Variants in UBE2R2 observed in about 807,000 individuals in gnomAD.
The protein encoded by UBE2R2 is ubiquitin conjugating enzyme E2 R2, also known as ubiquitin-conjugating enzyme E2 R2.
UBE2R2 carries 1 observed loss-of-function variant against 27.8 expected under a neutral mutation model. The ratio of observed to expected loss-of-function variants is 0.04; its 90% confidence interval spans 0.01 to 0.17. UBE2R2 has a LOEUF of 0.17. Among genes scored for constraint, UBE2R2 ranks in the 10% least tolerant of loss-of-function variants. The pLI, the probability that UBE2R2 is intolerant of heterozygous loss-of-function variation, is 1.00. For missense variants in UBE2R2, 100 were observed against 291.0 expected (o/e 0.34, Z 4.78); for synonymous variants, 106 against 113.3 (o/e 0.94, Z 0.41).
At chr9:33,911,432 A>C (rs1336452162) in intron 3 of UBE2R2, among the ~76,000 whole-genome samples, 1 of 140,602 alleles carries the variant, frequency 7.1e-6, no homozygotes, top group African/African-American at 2.7e-5. Flanking sequence ...AAAAAAAAAA[A>C]AAACCTGGTT....
At chr9:33,885,688 C>G (rs533236343) in intron 1 of UBE2R2, among the ~76,000 whole-genome samples, 1 of 152,306 alleles carries the variant, frequency 6.6e-6, no homozygotes, top group South Asian at 2.1e-4. Flanking sequence ...AATCACGTAG[C>G]TTGATGTTCT....
rs1458140707 is a variant in UBE2R2 at position 33,912,461 on chromosome 9, T to TA, written c.497+368dup. On this transcript the variant is annotated intron_variant, in intron 4 of 4. Coordinates refer to ENST00000263228, the MANE Select transcript of UBE2R2 (RefSeq NM_017811.4). The stretch of plus-strand genomic sequence containing the variant: ...CAACATGGTGAAACCCTGTCTCTAC[T>TA]AAAAATACAAAAATTAGCCAGGTGT... 1.8e-4 allele frequency among the ~76,000 whole-genome samples: 27 copies of TA among 151,966 alleles called. 1 individual carries two copies. The highest frequency in any genetic ancestry group is 6.3e-4 in the African/African-American group (26 of 41,424).
chr9:33,889,393 A>T (rs192143109), intron 2 of UBE2R2, among the ~76,000 whole-genome samples: 1 of 151,872 alleles, frequency 6.6e-6, no homozygotes, highest in African/African-American at 2.4e-5. Flanking sequence ...TTTAGTAGAG[A>T]CAGGGTTTCA....
At chr9:33,822,894 T>G (rs1820185093) in intron 1 of UBE2R2, among the ~76,000 whole-genome samples, 1 of 146,832 alleles carries the variant, frequency 6.8e-6, no homozygotes, top group Non-Finnish European at 1.5e-5. Flanking sequence ...TTTCTTTTTC[T>G]TCTTCTTATT....
chr9:33,848,403 G>A (rs565724421), intron 1 of UBE2R2, among the ~76,000 whole-genome samples: 2 of 152,034 alleles, frequency 1.3e-5, no homozygotes, highest in Non-Finnish European at 2.9e-5. Flanking sequence ...AAATAATCCT[G>A]GAGACTAAGA....
intron 1 of UBE2R2, among the ~76,000 whole-genome samples, chr9:33,865,843 T>G (rs1007666403): frequency 1.6e-4 from 25 of 151,664 alleles, no homozygotes; most frequent in East Asian, 1.5e-3. Flanking sequence ...TTGTTTTTTT[T>G]TTTTTGAGAT....
At chr9:33,888,188 T>C (rs1219751596) in intron 2 of UBE2R2, among the ~76,000 whole-genome samples, 1 of 152,234 alleles carries the variant, frequency 6.6e-6, no homozygotes, top group African/African-American at 2.4e-5. Context: ...ATGTGTAATC[T>C]GCAGTTACGA....
intron 3 of UBE2R2, among the ~76,000 whole-genome samples, chr9:33,903,732 C>A (rs538853509): frequency 6.6e-6 from 1 of 152,254 alleles, no homozygotes; most frequent in East Asian, 1.9e-4. Context: ...TGGGTACTAG[C>A]ATCATTTTGT....
At chr9:33,853,342 T>G (rs1235073338) in intron 1 of UBE2R2, among the ~76,000 whole-genome samples, 2 of 140,422 alleles carry the variant, frequency 1.4e-5, no homozygotes, top group East Asian at 4.2e-4. Flanking sequence ...TAGGCTGGAG[T>G]GCAGTGGTGC....
At chr9:33,892,809 C>A (rs1822018895) in intron 2 of UBE2R2, among the ~76,000 whole-genome samples, 1 of 152,064 alleles carries the variant, frequency 6.6e-6, no homozygotes, top group Non-Finnish European at 1.5e-5. Flanking sequence ...TAAAAAGAAT[C>A]CTGGAAATTT....
intron 1 of UBE2R2, among the ~76,000 whole-genome samples, chr9:33,879,617 G>T (rs1158367955): frequency 6.6e-6 from 1 of 151,698 alleles, no homozygotes; most frequent in African/African-American, 2.4e-5. Flanking sequence ...CATGCTTGGC[G>T]AATTTTTGTA....
intron 1 of UBE2R2, among the ~76,000 whole-genome samples, chr9:33,825,882 C>T (rs1820305068): frequency 1.3e-5 from 2 of 152,184 alleles, no homozygotes; most frequent in African/African-American, 4.8e-5. Context: ...CTGCTCACAC[C>T]TGTAATCCCA....
At chr9:33,890,454 C>T (rs2130799614) in intron 2 of UBE2R2, among the ~76,000 whole-genome samples, 1 of 152,176 alleles carries the variant, frequency 6.6e-6, no homozygotes, top group Admixed American at 6.5e-5. Flanking sequence ...GTAATCCCAG[C>T]TACTCAGCAG....
intron 1 of UBE2R2, among the ~76,000 whole-genome samples, chr9:33,850,369 C>G (rs1002095925): frequency 2.0e-5 from 3 of 152,090 alleles, no homozygotes; most frequent in South Asian, 2.1e-4. Flanking sequence ...CAAAGAGGAT[C>G]GCTGCAGAGA....
At chr9:33,870,362 C>T (rs766423601) in intron 1 of UBE2R2, among the ~76,000 whole-genome samples, 9 of 151,856 alleles carry the variant, frequency 5.9e-5, no homozygotes, top group Non-Finnish European at 1.3e-4. Context: ...AGGCTGGTCT[C>T]GAACTCCTGA....
chr9:33,831,314 A>C (rs1820473801), intron 1 of UBE2R2, among the ~76,000 whole-genome samples: 1 of 152,146 alleles, frequency 6.6e-6, no homozygotes, highest in African/African-American at 2.4e-5. Flanking sequence ...ATCTTAAAAA[A>C]CAGATTTTTA....
chr9:33,910,770 T>C (rs888846551), intron 3 of UBE2R2, among the ~76,000 whole-genome samples: 6 of 152,236 alleles, frequency 3.9e-5, no homozygotes, highest in Non-Finnish European at 8.8e-5. Flanking sequence ...TACATTTGGA[T>C]GTAGCACTGT....
In UBE2R2 at chr9:33,918,374, C is replaced by T. The variant is rs1822709014; in HGVS notation, c.*1137C>T. 2.0e-5 allele frequency: 3 copies of T among 151,926 alleles called. No homozygotes were observed. The South Asian group carries it at 6.2e-4, about 32-fold the overall frequency. 9.4% of individuals were successfully genotyped at this position (151,926 alleles called of 1,614,324 possible). A position where few individuals can be genotyped will look rare whatever the true frequency, so the allele number is the denominator to read the frequency against. On this transcript the variant is annotated 3_prime_UTR_variant, in exon 5 of 5. Coordinates refer to ENST00000263228, the MANE Select transcript of UBE2R2 (RefSeq NM_017811.4). Reference sequence around the variant, plus strand: ...GTGTGAGACGAGTTACCGCCTTCTTCATTGGATGTGATCTGAACTTTTTTT... The same window carrying T: ...GTGTGAGACGAGTTACCGCCTTCTTTATTGGATGTGATCTGAACTTTTTTT...
chr9:33,873,185 A>G (rs2130782062), intron 1 of UBE2R2, among the ~76,000 whole-genome samples: 1 of 151,902 alleles, frequency 6.6e-6, no homozygotes, highest in African/African-American at 2.4e-5. Context: ...AAAAAAAAAA[A>G]AAAAAAAAAA....
Sources: allele counts gnomAD v4.1 joint callset (sites outside exome capture counted in the v4.1 genomes callset), GRCh38; gene constraint gnomAD v4.1.1; transcripts MANE v1.5; gene names NCBI Gene and HGNC (gene_info 2026-07-23, HGNC 2026-07-21).